The following CDH12 variants were observed in gnomAD, a reference collection of about 807,000 sequenced individuals.
CDH12 encodes cadherin-12.
CDH12 carries 41 observed loss-of-function variants against 74.1 expected under a neutral mutation model. The ratio of observed to expected loss-of-function variants is 0.55; its 90% CI spans 0.43 to 0.72. The LOEUF is 0.72. Ranked by LOEUF, CDH12 falls within the 30% of genes least tolerant of loss-of-function variation. The pLI is 0.00. For missense variants in CDH12, 945 were observed against 977.2 expected (o/e 0.97, Z 0.44); for synonymous variants, 399 against 355.0 (o/e 1.12, Z -1.39).
chr5:22,845,828 C>T (rs777940950), intron 1 of CDH12, among the ~76,000 whole-genome samples: 57 of 152,054 alleles, frequency 3.7e-4, no homozygotes, highest in Non-Finnish European at 6.9e-4. Flanking sequence ...GATACTATAT[C>T]GGAGAGTGTA....
chr5:22,180,506 T>A lies in CDH12; in HGVS notation c.-187+31992A>T, dbSNP rs564360468. 6.2e-3 allele frequency among the ~76,000 whole-genome samples: 936 copies of A among 151,848 alleles called. 6 individuals carry two copies. Among genetic ancestry groups the A allele is most frequent in the African/African-American group, 0.021 (860 of 41,448 alleles). On this transcript the variant is annotated intron_variant, in intron 4 of 14. Coordinates refer to ENST00000382254, the MANE Select transcript of CDH12 (RefSeq NM_004061.5). ...GTTTTTGATTTTTTTTTGTTTATTT[T>A]TTTATTTTTTATTTTTTATTTTTTG...
chr5:22,428,015 A>C (rs984328989), intron 2 of CDH12, among the ~76,000 whole-genome samples: 1 of 152,174 alleles, frequency 6.6e-6, no homozygotes, highest in Non-Finnish European at 1.5e-5. Flanking sequence ...GTTCTACTAT[A>C]GTGTTTACTT....
At chr5:22,586,203 A>T (rs562940579) in intron 1 of CDH12, among the ~76,000 whole-genome samples, 2 of 152,220 alleles carry the variant, frequency 1.3e-5, no homozygotes, top group African/African-American at 4.8e-5. Context: ...ACATGGATGA[A>T]GCTGGAAACC....
At chr5:21,770,469 C>G (rs1745259215) in intron 11 of CDH12, among the ~76,000 whole-genome samples, 2 of 151,752 alleles carry the variant, frequency 1.3e-5, no homozygotes, top group South Asian at 2.1e-4. Context: ...ACTAGAAATA[C>G]AAAAAGTAGC....
chr5:21,853,987 A>C (rs1174958973), intron 7 of CDH12, among the ~76,000 whole-genome samples: 1 of 151,712 alleles, frequency 6.6e-6, no homozygotes, highest in African/African-American at 2.4e-5. Flanking sequence ...TTCTTAGCAA[A>C]GTATTCAACA....
chr5:21,965,513 G>A (rs1488100779), intron 6 of CDH12, among the ~76,000 whole-genome samples: 2 of 151,572 alleles, frequency 1.3e-5, no homozygotes, highest in Admixed American at 6.6e-5. Context: ...TTTCTTTTTC[G>A]TTGTGTGCCT....
chr5:22,787,753 G>A (rs62342485), intron 1 of CDH12, among the ~76,000 whole-genome samples: 727 of 152,224 alleles, frequency 4.8e-3, no homozygotes, highest in Middle Eastern at 0.01. Context: ...TGGGAAATTG[G>A]CTTATACATG....
chr5:22,637,686 TTCA>T (rs1186660066), intron 1 of CDH12, among the ~76,000 whole-genome samples: 2 of 152,244 alleles, frequency 1.3e-5, no homozygotes, highest in Non-Finnish European at 2.9e-5. Flanking sequence ...TGTGTTTTCC[TTCA>T]TTTAGTGGAC....
intron 6 of CDH12, among the ~76,000 whole-genome samples, chr5:21,886,645 T>C (rs1452558279): frequency 1.3e-5 from 2 of 149,902 alleles, no homozygotes; most frequent in Non-Finnish European, 3.0e-5. Context: ...AATATGCTTC[T>C]TTTTTTCCAT....
chr5:22,549,450 A>G (rs1042990354), intron 1 of CDH12, among the ~76,000 whole-genome samples: 1 of 151,962 alleles, frequency 6.6e-6, no homozygotes, highest in Non-Finnish European at 1.5e-5. Context: ...TCAAATTCCA[A>G]TTCATGTTTA....
chr5:22,317,149 C>G (rs189237602), intron 3 of CDH12, among the ~76,000 whole-genome samples: 1 of 152,194 alleles, frequency 6.6e-6, no homozygotes, highest in African/African-American at 2.4e-5. Context: ...GAAACCCCGT[C>G]TCTACTAAAA....
chr5:21,935,840 C>T (rs1319574672), intron 6 of CDH12, among the ~76,000 whole-genome samples: 2 of 152,180 alleles, frequency 1.3e-5, no homozygotes, highest in Non-Finnish European at 2.9e-5. Context: ...GTGAGAGCAT[C>T]CGAAGTTTGT....
intron 6 of CDH12, among the ~76,000 whole-genome samples, chr5:21,965,134 A>G (rs1756523622): frequency 6.6e-6 from 1 of 152,036 alleles, no homozygotes; most frequent in African/African-American, 2.4e-5. Flanking sequence ...AAAGATAACA[A>G]CTTCTTTCAG....
chr5:22,650,311 C>T (rs1401011256), intron 1 of CDH12, among the ~76,000 whole-genome samples: 1 of 151,978 alleles, frequency 6.6e-6, no homozygotes, highest in Non-Finnish European at 1.5e-5. Flanking sequence ...TATAGGCTTG[C>T]TCTTCTTAGT....
intron 5 of CDH12, among the ~76,000 whole-genome samples, chr5:22,026,639 G>T (rs1384789355): frequency 6.6e-6 from 1 of 152,054 alleles, no homozygotes; most frequent in Non-Finnish European, 1.5e-5. Flanking sequence ...TTCAGATCAG[G>T]GGTAGGGGTA....
At chr5:22,084,341 G>A (rs1313586814) in intron 4 of CDH12, among the ~76,000 whole-genome samples, 1 of 152,052 alleles carries the variant, frequency 6.6e-6, no homozygotes. Flanking sequence ...TTCTGGCATT[G>A]ATATTATTAA....
intron 6 of CDH12, chr5:21,882,851 G>A (rs1752431364): frequency 2.5e-6 from 4 of 1,577,116 alleles, no homozygotes; most frequent in Admixed American, 1.7e-5. Flanking sequence ...TTGACTTGAA[G>A]GATAAATATA....
chr5:22,566,940 A>G (rs910604397), intron 1 of CDH12, among the ~76,000 whole-genome samples: 1 of 152,208 alleles, frequency 6.6e-6, no homozygotes, highest in Non-Finnish European at 1.5e-5. Flanking sequence ...GGCTTCTGAA[A>G]ATACTCCTAT....
intron 2 of CDH12, among the ~76,000 whole-genome samples, chr5:22,418,539 T>G (rs1395953904): frequency 3.3e-5 from 5 of 152,160 alleles, no homozygotes; most frequent in Non-Finnish European, 7.3e-5. Flanking sequence ...TCAAAGGGAA[T>G]GCTTCCAATT....
Sources: gnomAD v4.1 joint callset for allele counts (sites outside exome capture counted in the v4.1 genomes callset) on GRCh38, gnomAD v4.1.1 for gene constraint, MANE v1.5 for transcripts, NCBI Gene and HGNC (gene_info 2026-07-23, HGNC 2026-07-21) for gene names.